KIAA0319: variants seen among roughly 807,000 people sequenced by gnomAD.
KIAA0319 encodes the protein dyslexia-associated protein KIAA0319.
Under a neutral mutation model 108.4 loss-of-function variants are expected in KIAA0319, and 83 were observed. The ratio of observed to expected loss-of-function variants is 0.77; its 90% CI spans 0.64 to 0.92. The LOEUF (loss-of-function observed/expected upper bound fraction) is 0.92, where lower values mean the gene tolerates loss of function less well. KIAA0319 is among the 40% of genes least tolerant of loss of function. The pLI is 0.00. For synonymous variants in KIAA0319, 484 were observed against 510.4 expected (o/e 0.95, Z 0.70); for missense variants, 1,195 against 1,322.4 (o/e 0.90, Z 1.49).
rs192683696 is a variant in KIAA0319 at position 24,567,485 on chromosome 6, T to G, written c.2141-737A>C. 3.9e-5 allele frequency among the ~76,000 whole-genome samples: 6 copies of G among 152,218 alleles called. No homozygotes were observed. In the East Asian group the frequency reaches 1.2e-3, roughly 29 times the overall value. On this transcript the variant is annotated intron_variant, in intron 13 of 20. Coordinates refer to ENST00000378214, the MANE Select transcript of KIAA0319 (RefSeq NM_014809.4). ...GGGAGGCTAAGGCAGGATGAGTGCT[T>G]GAAGCCAGAAGTTCAAGACCAGCCT...
rs1341452189 is a variant in KIAA0319, at chr6:24,553,270, G to GATATATATATATATATATATATAT, written c.2948+1270_2948+1271insATATATATATATATATATATATAT. On this transcript the variant is annotated intron_variant, in intron 19 of 20. Coordinates refer to ENST00000378214, the MANE Select transcript of KIAA0319 (RefSeq NM_014809.4). ...TGTAAGGCCACTTAGGTACTTGTGA[G>GATATATATATATATATATATATAT]ATAGATATATATATATATATATATA... is the stretch of plus-strand genomic sequence containing the variant. Among the ~76,000 whole-genome samples the GATATATATATATATATATATATAT allele has an allele frequency of 9.3e-4, 98 of 105,652 alleles. 8 individuals carry two copies. Among genetic ancestry groups the GATATATATATATATATATATATAT allele is most frequent in the African/African-American group, 1.7e-3 (36 of 21,286 alleles). 69.3% of individuals were successfully genotyped at this position (105,652 alleles called of 152,430 possible).
intron 1 of KIAA0319, among the ~76,000 whole-genome samples, chr6:24,638,064 C>G (rs1038249754): frequency 6.6e-6 from 1 of 152,012 alleles, no homozygotes; most frequent in African/African-American, 2.4e-5. Flanking sequence ...GTAATACATA[C>G]TAGGGAGCAA....
In KIAA0319 at chr6:24,569,979, C is replaced by T; in HGVS notation, c.1915G>A (p.Val639Met). ...AGPDKELIFPVESATLDGSSS... is the reference protein window; with the variant it reads ...AGPDKELIFPMESATLDGSSS... ...CTCCCATCCAGGGTAGCACTTTCCACTGGGAAGATCAGCTCTTTATCAGGG... is the reference window on the plus strand; with the variant it reads ...CTCCCATCCAGGGTAGCACTTTCCATTGGGAAGATCAGCTCTTTATCAGGG... The change falls in exon 12 of 21, where the codon GTG becomes ATG. Residue 639 changes from valine to methionine, a missense_variant. Val to Met is a conservative substitution (Grantham distance 21). Coordinates refer to ENST00000378214, the MANE Select transcript of KIAA0319 (RefSeq NM_014809.4). 4 of 1,614,158 alleles carry T rather than the reference C, an allele frequency of 2.5e-6. No homozygotes were observed. Among genetic ancestry groups the T allele is most frequent in the African/African-American group, 1.3e-5 (1 of 75,054 alleles).
In KIAA0319 at chr6:24,566,709, T is replaced by C; in HGVS notation, c.2180A>G (p.His727Arg). 6.2e-7 allele frequency: 1 copy of C among 1,613,452 alleles called. No individual in the cohort carries two copies. Among genetic ancestry groups the C allele is most frequent in the Admixed American group, 1.7e-5 (1 of 59,918 alleles). The change falls in exon 14 of 21, where the codon CAT (histidine) becomes CGT (arginine). Residue 727 changes from histidine to arginine, a missense_variant. Coordinates refer to ENST00000378214, the MANE Select transcript of KIAA0319 (RefSeq NM_014809.4). ...SPPRARAGGR[H>R]VLVLPNNSIT... ...GGAATTATTGGGAAGCACAAGAACA[T>C]GTCTGCCACCAGCCCGGGCTCTGGG...
At chr6:24,600,961 C>T (rs1483732814) in intron 2 of KIAA0319, 88 bp downstream of exon 2, 25 of 1,527,316 alleles carry the variant, frequency 1.6e-5, no homozygotes, top group Non-Finnish European at 2.2e-5. Flanking sequence ...AAACCAACAG[C>T]GTCTTCACCT....
rs896116970 is a variant in KIAA0319, at chr6:24,567,807, A to C, written c.2140+974T>G. ...AACAACACTGGGGTACAGTGGGGAG[A>C]TCATAATAAGACACAGCCTCAATTT... On this transcript the variant is annotated intron_variant, in intron 13 of 20. Coordinates refer to ENST00000378214, the MANE Select transcript of KIAA0319 (RefSeq NM_014809.4). Among the ~76,000 whole-genome samples the C allele has an allele frequency of 2.0e-5, 3 of 152,148 alleles. No individual in the cohort carries two copies. In the East Asian group the frequency reaches 5.8e-4, roughly 29 times the overall value.
In KIAA0319 at chr6:24,563,363, G is replaced by T; in HGVS notation, c.2587C>A (p.Leu863Ile). The T allele has an allele frequency of 2.5e-6, 4 of 1,612,116 alleles. No individual in the cohort carries two copies. Among genetic ancestry groups the T allele is most frequent in the Non-Finnish European group, 3.4e-6 (4 of 1,179,024 alleles). The change falls in exon 16 of 21, where the codon CTC (leucine) becomes ATC (isoleucine). Residue 863 changes from leucine (L) to isoleucine (I), a missense_variant. By Grantham distance (5) the Leu-to-Ile change is conservative. Coordinates refer to ENST00000378214, the MANE Select transcript of KIAA0319 (RefSeq NM_014809.4). ...KVQKIRAHSD[L>I]STVIVFYVQS... ...CCTTGAGTGTGCAGCTCCTACCTGA[G>T]ATCCGAGTGGGCCCGAATCTTCTGG... is the stretch of plus-strand genomic sequence containing the variant.
At chr6:24,579,010 G>C (rs1268777796) in intron 8 of KIAA0319, among the ~76,000 whole-genome samples, 1 of 152,196 alleles carries the variant, frequency 6.6e-6, no homozygotes, top group Non-Finnish European at 1.5e-5. Context: ...ATGTCAATGT[G>C]ATCTCTGTAA....
intron 15 of KIAA0319, 88 bp downstream of exon 15, chr6:24,564,114 C>T: frequency 1.9e-6 from 3 of 1,548,436 alleles, no homozygotes; most frequent in East Asian, 2.2e-5. Context: ...CAGGAGGCCT[C>T]CCACACTGGT....
chr6:24,564,987 C>A (rs542175023), intron 14 of KIAA0319, among the ~76,000 whole-genome samples: 6 of 152,324 alleles, frequency 3.9e-5, no homozygotes, highest in Admixed American at 3.3e-4. Context: ...GTGGCTCACG[C>A]CTGTAATCCC....
intron 4 of KIAA0319, among the ~76,000 whole-genome samples, chr6:24,586,442 T>C (rs991767258): frequency 2.6e-5 from 4 of 152,184 alleles, no homozygotes; most frequent in Non-Finnish European, 2.9e-5. Flanking sequence ...GTCTCTCTCC[T>C]TCTATACCAG....
intron 3 of KIAA0319, among the ~76,000 whole-genome samples, chr6:24,593,878 C>T (rs1417872485): frequency 6.6e-6 from 1 of 151,728 alleles, no homozygotes; most frequent in Non-Finnish European, 1.5e-5. Flanking sequence ...CATGGTTAAT[C>T]TCTAATACTT....
intron 1 of KIAA0319, among the ~76,000 whole-genome samples, chr6:24,637,277 G>A (rs1465842854): frequency 6.6e-6 from 1 of 152,210 alleles, no homozygotes; most frequent in African/African-American, 2.4e-5. Context: ...TATTATGAGA[G>A]TGTTTTGAGA....
intron 3 of KIAA0319, among the ~76,000 whole-genome samples, chr6:24,589,874 A>AACT (rs1562009624): frequency 6.6e-6 from 1 of 151,500 alleles, no homozygotes; most frequent in East Asian, 1.9e-4. Context: ...TGTATAACCG[A>AACT]TAAAGTTACA....
intron 1 of KIAA0319, among the ~76,000 whole-genome samples, chr6:24,617,513 G>A (rs892178849): frequency 6.6e-6 from 1 of 151,942 alleles, no homozygotes; most frequent in Admixed American, 6.6e-5. Flanking sequence ...AAACAAAGAG[G>A]GAGCTAGAAA....
chr6:24,640,604 T>C (rs1444296885), intron 1 of KIAA0319, among the ~76,000 whole-genome samples: 1 of 152,210 alleles, frequency 6.6e-6, no homozygotes, highest in East Asian at 1.9e-4. Flanking sequence ...AGATATTTTT[T>C]AAATTTTTTC....
At chr6:24,630,710 T>TATATATATATATATACACAC in intron 1 of KIAA0319, among the ~76,000 whole-genome samples, 1 of 138,696 alleles carries the variant, frequency 7.2e-6, no homozygotes, top group African/African-American at 3.0e-5. Context: ...TATACACATA[T>TATATATATATATATACACAC]ACACACAAAC....
At chr6:24,541,502 C>T (rs767112986), downstream of KIAA0319, among the ~76,000 whole-genome samples, 8 of 152,326 alleles carry the variant, frequency 5.3e-5, no homozygotes, top group East Asian at 1.9e-4. Flanking sequence ...TGACATAACA[C>T]GATTAATTTA....
chr6:24,568,848 G>T lies in KIAA0319; in HGVS notation c.2073C>A (p.Phe691Leu). ...VTGLQVGTYH[F>L]RLTVKDQQGL... ...CCTGCTGGTCTTTCACTGTCAAACG[G>T]AAGTGGTAGGTCCCCACCTGGAGAC... Residue 691 changes from phenylalanine to leucine, a missense_variant, in exon 13 of 21, where the codon TTC (phenylalanine) becomes TTA (leucine). Physicochemically the swap from Phe to Leu is conservative, Grantham distance 22 (BLOSUM62 0). Transcript: ENST00000378214. The T allele has an allele frequency of 6.2e-7, 1 of 1,614,182 alleles. No individual in the cohort carries two copies. The highest frequency in any genetic ancestry group is 8.5e-7 in the Non-Finnish European group (1 of 1,180,026).
Sources: gnomAD v4.1 joint callset for allele counts (sites outside exome capture counted in the v4.1 genomes callset) on GRCh38, gnomAD v4.1.1 for gene constraint, MANE v1.5 for transcripts, NCBI Gene and HGNC (gene_info 2026-07-23, HGNC 2026-07-21) for gene names.